Variants in UVRAG observed in about 807,000 individuals in gnomAD.
UVRAG encodes UV radiation resistance-associated gene protein.
In UVRAG, 19 loss-of-function variants were observed where a neutral mutation model predicts 78.0. The observed-to-expected ratio is 0.24, with a 90% CI of 0.17 to 0.36. UVRAG has a LOEUF of 0.36. Among genes scored for constraint, UVRAG ranks in the 10% least tolerant of loss-of-function variants. The pLI is 1.00. For missense variants in UVRAG, 740 were observed against 853.8 expected (o/e 0.87, Z 1.66); for synonymous variants, 323 against 324.6 (o/e 1.00, Z 0.05).
chr11:75,886,120 T>C (rs1252651161), intron 4 of UVRAG, among the ~76,000 whole-genome samples: 2 of 152,136 alleles, frequency 1.3e-5, no homozygotes, highest in Non-Finnish European at 2.9e-5. Context: ...TAAGAAACAG[T>C]TAAAGTTGGA....
chr11:75,994,464 G>T (rs1336704677), intron 8 of UVRAG, among the ~76,000 whole-genome samples: 1 of 152,086 alleles, frequency 6.6e-6, no homozygotes, highest in Non-Finnish European at 1.5e-5. Context: ...TCTAAATTCT[G>T]TGCTTTTCTC....
intron 1 of UVRAG, among the ~76,000 whole-genome samples, chr11:75,830,281 C>G (rs1244860063): frequency 6.7e-6 from 1 of 149,228 alleles, no homozygotes. Context: ...AGTAAGTATT[C>G]TTTTTTTTTT....
intron 5 of UVRAG, among the ~76,000 whole-genome samples, chr11:75,895,569 T>C (rs1947324956): frequency 6.6e-6 from 1 of 152,048 alleles, no homozygotes; most frequent in South Asian, 2.1e-4. Flanking sequence ...TAGGGAGTGA[T>C]ATATTCTGGT....
intron 4 of UVRAG, among the ~76,000 whole-genome samples, chr11:75,883,369 CA>C (rs561377655): frequency 0.048 from 2,295 of 48,222 alleles, 42 homozygotes; most frequent in African/African-American, 0.11. Flanking sequence ...TAACAGAGAA[CA>C]AAAAAAAAAA....
intron 7 of UVRAG, among the ~76,000 whole-genome samples, chr11:75,963,335 A>G (rs1452834112): frequency 6.6e-6 from 1 of 152,240 alleles, no homozygotes; most frequent in African/African-American, 2.4e-5. Context: ...ATAATAGGAC[A>G]GGAAAATGAA....
chr11:76,025,947 T>C (rs1160061385), intron 12 of UVRAG, among the ~76,000 whole-genome samples: 1 of 152,168 alleles, frequency 6.6e-6, no homozygotes, highest in African/African-American at 2.4e-5. Context: ...AAGAGGATTA[T>C]GGACCTTCCC....
rs931651966 is a variant in UVRAG at position 75,834,671 on chromosome 11, G to A, written c.118-17212G>A. On this transcript the variant is annotated intron_variant, in intron 1 of 14. Coordinates refer to ENST00000356136, the MANE Select transcript of UVRAG (RefSeq NM_003369.4). ...GTACTAAAAATACAAAAAATTAGCC[G>A]GGTGTGGTGGCACGTGCCTGTAGTC... Among the ~76,000 whole-genome samples, 4 of 151,972 alleles carry A rather than the reference G, an allele frequency of 2.6e-5. No homozygotes were observed. The East Asian group carries it at 7.7e-4, about 29-fold the overall frequency.
intron 5 of UVRAG, among the ~76,000 whole-genome samples, chr11:75,898,758 G>A (rs1423066878): frequency 6.6e-6 from 1 of 152,128 alleles, no homozygotes; most frequent in African/African-American, 2.4e-5. Flanking sequence ...TCTTAGGGGG[G>A]CAAGTAGTAG....
chr11:75,831,480 C>T (rs1440261384), intron 1 of UVRAG, among the ~76,000 whole-genome samples: 1 of 150,076 alleles, frequency 6.7e-6, no homozygotes, highest in Middle Eastern at 3.2e-3. Context: ...AAGAGTGAAA[C>T]TCCTTCTCAA....
chr11:75,903,894 T>A (rs1466638661), intron 5 of UVRAG, among the ~76,000 whole-genome samples: 1 of 152,244 alleles, frequency 6.6e-6, no homozygotes, highest in African/African-American at 2.4e-5. Context: ...GTATACATTT[T>A]GTAGTTTTAA....
intron 2 of UVRAG, among the ~76,000 whole-genome samples, chr11:75,859,998 T>C (rs1375808279): frequency 6.6e-6 from 1 of 152,228 alleles, no homozygotes; most frequent in Non-Finnish European, 1.5e-5. Context: ...CAGGCTGAAG[T>C]GCAATGTGCA....
At chr11:75,968,063 A>G (rs760643913) in intron 7 of UVRAG, among the ~76,000 whole-genome samples, 12 of 152,160 alleles carry the variant, frequency 7.9e-5, no homozygotes, top group Non-Finnish European at 1.3e-4. Context: ...AAACACTCCA[A>G]TGAGCATTTT....
At chr11:75,855,381 G>A (rs901647176) in intron 2 of UVRAG, among the ~76,000 whole-genome samples, 1 of 152,176 alleles carries the variant, frequency 6.6e-6, no homozygotes, top group South Asian at 2.1e-4. Context: ...TCCCTCTTGC[G>A]GGCTTCAGTT....
chr11:75,883,134 T>C (rs1387680733), intron 4 of UVRAG, among the ~76,000 whole-genome samples: 1 of 152,190 alleles, frequency 6.6e-6, no homozygotes, highest in Admixed American at 6.5e-5. Flanking sequence ...TACTTGAAAG[T>C]ATCTATATTT....
At position 76,082,221 on chromosome 11, in the gene UVRAG, A is replaced by G. The variant is rs538657385; in HGVS notation, c.1305+16433A>G. ...GTATGTGTGTTTCATTTATTTTTCTATATGCATATTATATCTTGCCATTAA... is the reference window on the plus strand; with the variant it reads ...GTATGTGTGTTTCATTTATTTTTCTGTATGCATATTATATCTTGCCATTAA... On this transcript the variant is annotated intron_variant, in intron 13 of 14. Transcript: ENST00000356136. 8.5e-5 allele frequency among the ~76,000 whole-genome samples: 13 copies of G among 152,196 alleles called. No homozygotes were observed. The South Asian group carries it at 2.5e-3, about 29-fold the overall frequency.
At chr11:75,827,567 C>T (rs763503945) in intron 1 of UVRAG, among the ~76,000 whole-genome samples, 4 of 152,080 alleles carry the variant, frequency 2.6e-5, no homozygotes, top group African/African-American at 7.2e-5. Flanking sequence ...GCCGAGATCA[C>T]GCCACTGCAC....
chr11:76,003,651 G>A (rs562472776), intron 8 of UVRAG, among the ~76,000 whole-genome samples: 139 of 152,070 alleles, frequency 9.1e-4, no homozygotes, highest in African/African-American at 1.2e-3. Flanking sequence ...ATGTTATTCC[G>A]TAGCATTTTT....
At chr11:75,990,956 G>A (rs1000640958) in intron 8 of UVRAG, among the ~76,000 whole-genome samples, 2 of 152,146 alleles carry the variant, frequency 1.3e-5, no homozygotes, top group Admixed American at 1.3e-4. Flanking sequence ...CATGTCATGG[G>A]TATCATTGCT....
chr11:75,918,984 T>C (rs1801435428), intron 6 of UVRAG, among the ~76,000 whole-genome samples: 1 of 152,228 alleles, frequency 6.6e-6, no homozygotes, highest in African/African-American at 2.4e-5. Flanking sequence ...TCCAACTCTT[T>C]CTATAAGTGT....
Sources: allele counts gnomAD v4.1 joint callset (sites outside exome capture counted in the v4.1 genomes callset), GRCh38; gene constraint gnomAD v4.1.1; transcripts MANE v1.5; gene names NCBI Gene and HGNC (gene_info 2026-07-23, HGNC 2026-07-21).